Variants in ABCA13 observed in about 807,000 individuals in gnomAD.
ABCA13 encodes the protein ATP binding cassette subfamily A member 13.
Under a neutral mutation model 478.7 loss-of-function variants are expected in ABCA13, and 476 were observed. The ratio of observed to expected loss-of-function variants is 0.99; its 90% CI spans 0.92 to 1.07. The LOEUF (loss-of-function observed/expected upper bound fraction) is 1.07. ABCA13 is among the 50% of genes least tolerant of loss of function. The pLI is 0.00. For missense variants in ABCA13, 6,060 were observed against 5,910.6 expected, an observed-to-expected ratio of 1.03 and a Z score of -0.83; for synonymous variants, 2,252 against 2,158.9, an observed-to-expected ratio of 1.04 and a Z score of -1.20.
chr7:48,636,486 T>TGCCA (rs1794645626), intron 59 of ABCA13, among the ~76,000 whole-genome samples: 1 of 152,194 alleles, frequency 6.6e-6, no homozygotes, highest in Admixed American at 6.5e-5. Context: ...CCTGATTTCA[T>TGCCA]GCCAGGGAGT....
intron 52 of ABCA13, 85 bp from the exon 53 acceptor site, chr7:48,519,956 C>A (rs1832421155): frequency 2.2e-6 from 3 of 1,365,098 alleles, no homozygotes; most frequent in Middle Eastern, 2.6e-4. Flanking sequence ...CAGAGCTAAC[C>A]AAGGAGAAAA....
chr7:48,470,800 G>C (rs1827405457), intron 44 of ABCA13, among the ~76,000 whole-genome samples: 1 of 152,158 alleles, frequency 6.6e-6, no homozygotes, highest in South Asian at 2.1e-4. Flanking sequence ...CTCTTCTTCT[G>C]AAAAGCAGGG....
intron 41 of ABCA13, among the ~76,000 whole-genome samples, chr7:48,413,612 C>A (rs992997671): frequency 6.6e-6 from 1 of 152,224 alleles, no homozygotes; most frequent in African/African-American, 2.4e-5. Flanking sequence ...TTTTAAAAAT[C>A]TGCAAAAGTC....
intron 38 of ABCA13, among the ~76,000 whole-genome samples, chr7:48,400,147 G>A (rs1302540075): frequency 6.6e-6 from 1 of 151,916 alleles, no homozygotes; most frequent in Admixed American, 6.6e-5. Flanking sequence ...GGAGTCAGAG[G>A]GAATCCCTAT....
intron 7 of ABCA13, among the ~76,000 whole-genome samples, chr7:48,233,354 G>A (rs1443896462): frequency 6.6e-6 from 1 of 152,096 alleles, no homozygotes; most frequent in African/African-American, 2.4e-5. Context: ...AAATTTATGT[G>A]TTTTTATGTT....
intron 59 of ABCA13, among the ~76,000 whole-genome samples, chr7:48,639,859 C>T (rs1328473847): frequency 1.3e-5 from 2 of 152,102 alleles, no homozygotes; most frequent in South Asian, 2.1e-4. Context: ...AACTGAAATA[C>T]AGTCGTAGAG....
At chr7:48,464,143 A>G (rs1267366140) in intron 43 of ABCA13, among the ~76,000 whole-genome samples, 70 of 152,382 alleles carry the variant, frequency 4.6e-4, no homozygotes, top group Non-Finnish European at 4.4e-5. Flanking sequence ...TAGTAAGGAC[A>G]GATGTCAAAT....
chr7:48,349,921 T>C (rs1302054888), intron 29 of ABCA13, among the ~76,000 whole-genome samples: 1 of 152,214 alleles, frequency 6.6e-6, no homozygotes, highest in African/African-American at 2.4e-5. Flanking sequence ...TCCTGCTGCT[T>C]TCCCTCTGGA....
chr7:48,613,981 G>T, intron 58 of ABCA13, among the ~76,000 whole-genome samples: 1 of 147,098 alleles, frequency 6.8e-6, no homozygotes, highest in African/African-American at 2.5e-5. Flanking sequence ...TTTATATTAT[G>T]CACCATATTA....
intron 27 of ABCA13, among the ~76,000 whole-genome samples, chr7:48,319,564 C>T (rs1040384424): frequency 9.2e-5 from 14 of 152,078 alleles, no homozygotes; most frequent in Admixed American, 3.9e-4. Flanking sequence ...TTATTTAAGA[C>T]GTGGTCTTTT....
intron 55 of ABCA13, among the ~76,000 whole-genome samples, chr7:48,556,915 G>A (rs567208423): frequency 9.2e-5 from 14 of 151,874 alleles, no homozygotes; most frequent in Non-Finnish European, 1.5e-4. Context: ...TTCTCTGGTT[G>A]TATGATTTAA....
chr7:48,325,974 ATCTGC>A (rs542357535), intron 27 of ABCA13, among the ~76,000 whole-genome samples: 10 of 152,190 alleles, frequency 6.6e-5, no homozygotes, highest in Non-Finnish European at 1.2e-4. Context: ...CACTTTTCAA[ATCTGC>A]AAGGCTATAA....
chr7:48,402,318 T>G (rs1817714995), intron 38 of ABCA13, among the ~76,000 whole-genome samples: 1 of 152,194 alleles, frequency 6.6e-6, no homozygotes, highest in South Asian at 2.1e-4. Flanking sequence ...TGCTGACTGA[T>G]CTCTGGTTAA....
intron 49 of ABCA13, among the ~76,000 whole-genome samples, chr7:48,507,384 A>C (rs1378225181): frequency 6.6e-6 from 1 of 152,194 alleles, no homozygotes; most frequent in Non-Finnish European, 1.5e-5. Flanking sequence ...TACAGTGTAT[A>C]ATATTACAGA....
chr7:48,511,331 G>A, intron 51 of ABCA13, 132 bp downstream of exon 51: 1 of 742,400 alleles, frequency 1.3e-6, no homozygotes, highest in Non-Finnish European at 2.1e-6. Context: ...CTTCTGCAAG[G>A]GACACGGAGC....
chr7:48,544,194 G>A (rs1784607818), intron 55 of ABCA13, among the ~76,000 whole-genome samples: 1 of 151,362 alleles, frequency 6.6e-6, no homozygotes, highest in Admixed American at 6.6e-5. Flanking sequence ...AAGAAAGGAG[G>A]GAAATTTCCA....
chr7:48,643,422 T>C (rs1283206172), intron 60 of ABCA13, 29 bp downstream of exon 60: 1 of 1,519,398 alleles, frequency 6.6e-7, no homozygotes, highest in East Asian at 2.3e-5. Context: ...ATTATTTCTT[T>C]GTTTTCAGCT....
chr7:48,384,492 A>C (rs569122596), intron 35 of ABCA13, among the ~76,000 whole-genome samples: 1 of 152,254 alleles, frequency 6.6e-6, no homozygotes, highest in Non-Finnish European at 1.5e-5. Flanking sequence ...TCTTATTGGG[A>C]AGGTAGAGGT....
Position 48,278,747 on chromosome 7 carries a change from C to A in ABCA13, c.7553C>A (p.Ser2518Ter). 1 of 1,613,938 alleles carries A rather than the reference C, an allele frequency of 6.2e-7. No individual in the cohort carries two copies. The highest frequency in any genetic ancestry group is 2.2e-5 in the East Asian group (1 of 44,864). Residue 2518 changes from serine to a stop codon, truncating the protein, a stop_gained, in exon 18 of 62, where the codon TCA (serine) becomes TAA (stop). Coordinates refer to ENST00000435803, the MANE Select transcript of ABCA13 (RefSeq NM_152701.5). LOFTEE classifies it high-confidence loss of function. ...DSADLRDLAT[S>*]MDSIVKLLKL... The stretch of plus-strand genomic sequence containing the variant: ...GCTGACCTGAGAGATCTTGCCACAT[C>A]AATGGACTCCATTGTGAAACTTCTT...
Sources: allele counts gnomAD v4.1 joint callset (sites outside exome capture counted in the v4.1 genomes callset), GRCh38; gene constraint gnomAD v4.1.1; transcripts MANE v1.5; gene names NCBI Gene and HGNC (gene_info 2026-07-23, HGNC 2026-07-21).